Variants in SVEP1 observed in about 807,000 individuals in gnomAD.
The protein encoded by SVEP1 is sushi, von Willebrand factor type A, EGF and pentraxin domain containing 1, also known as sushi, von Willebrand factor type A, EGF and pentraxin domain-containing protein 1.
A neutral mutation model predicts 367.3 loss-of-function variants in SVEP1; 164 were observed. The observed-to-expected ratio is 0.45, with a 90% CI of 0.39 to 0.51. SVEP1 has a LOEUF of 0.51. SVEP1 is among the 20% of genes least tolerant of loss of function. The pLI, the probability that SVEP1 is intolerant of heterozygous loss-of-function variation, is 0.00. For synonymous variants in SVEP1, 1,666 were observed against 1,611.6 expected (o/e 1.03, Z -0.81); for missense variants, 4,117 against 4,425.3 (o/e 0.93, Z 1.98).
chr9:110,570,967 CTCCTTTT>C (rs1830554990), intron 1 of SVEP1, among the ~76,000 whole-genome samples: 1 of 138,004 alleles, frequency 7.2e-6, no homozygotes, highest in African/African-American at 2.7e-5. Flanking sequence ...TTCCAGATGG[CTCCTTTT>C]TTTTTTTTTT....
At position 110,408,152 on chromosome 9, in the gene SVEP1, T is replaced by C. The variant is rs1293936408; in HGVS notation, c.7448A>G (p.Asn2483Ser). Residue 2483 changes from asparagine (N) to serine (S), a missense_variant, in exon 38 of 48, where the codon AAT becomes AGT. Coordinates refer to ENST00000374469, the MANE Select transcript of SVEP1 (RefSeq NM_153366.4). Reference protein sequence around the residue: ...VGNTTTLCGENGHWLGGKPTC... With the variant: ...VGNTTTLCGESGHWLGGKPTC... The stretch of plus-strand genomic sequence containing the variant: ...TGGTTTTCCTCCAAGCCAGTGACCA[T>C]TTTCTCCACAAAGGGTGGTAGTATT... The C allele has an allele frequency of 6.2e-7, 1 of 1,613,760 alleles. No homozygotes were observed. Among genetic ancestry groups the C allele is most frequent in the African/African-American group, 1.3e-5 (1 of 74,928 alleles).
In SVEP1 at chr9:110,472,148, T is replaced by C. The variant is rs1482665600; in HGVS notation, c.2764+11A>G. ...TTATATTGCTTTTTCAAATAGACAG[T>C]TTATCCTTACCTGTGATGTTAAAAA... On this transcript the variant is annotated intron_variant, in intron 15 of 47. Transcript: ENST00000374469. 6.2e-7 allele frequency: 1 copy of C among 1,605,832 alleles called. No homozygotes were observed. The highest frequency in any genetic ancestry group is 2.2e-5 in the East Asian group (1 of 44,742).
chr9:110,377,605 T>C (rs547789362), intron 44 of SVEP1, among the ~76,000 whole-genome samples: 2 of 152,312 alleles, frequency 1.3e-5, no homozygotes, highest in African/African-American at 2.4e-5. Context: ...AAATTGTATA[T>C]ATTTTTTACA....
Position 110,400,971 on chromosome 9 carries a change from A to T in SVEP1, c.9705T>A (p.Ser3235=). 6.2e-7 allele frequency: 1 copy of T among 1,613,938 alleles called. No homozygotes were observed. Among genetic ancestry groups the T allele is most frequent in the East Asian group, 2.2e-5 (1 of 44,870 alleles). The change falls in exon 40 of 48, where the codon TCT becomes TCA. Residue 3235 remains serine, a synonymous_variant. Coordinates refer to ENST00000374469, the MANE Select transcript of SVEP1 (RefSeq NM_153366.4). The stretch of plus-strand genomic sequence containing the variant: ...GTTTCCCACAAGAAACTGGACTGCA[A>T]GATTCATCGGAGAATGGTGGCTCCC... ...GTWEPPFSDE[S]CSPVSCGKPE...
intron 14 of SVEP1, among the ~76,000 whole-genome samples, chr9:110,473,527 T>C (rs1169389940): frequency 6.6e-6 from 1 of 152,188 alleles, no homozygotes; most frequent in Non-Finnish European, 1.5e-5. Context: ...ATGTATGTAT[T>C]ATTTAGTAAT....
chr9:110,458,657 G>C, intron 19 of SVEP1, 95 bp from the exon 20 acceptor site: 1 of 1,214,336 alleles, frequency 8.2e-7, no homozygotes, highest in Non-Finnish European at 1.1e-6. Context: ...TGTCAGAGTG[G>C]GTAAAGCCAC....
Position 110,375,372 on chromosome 9 carries a change from A to G in SVEP1, c.10596T>C (p.His3532=). ...CAAACCATGAAAGAGGCCTACCTGT[A>G]TGACAGCGAGACCCCGTCCAGCCAG... ...CPPGWTGSRC[H]TAVCQSPCLN... The change falls in exon 46 of 48, where the codon CAT becomes CAC. Residue 3532 remains histidine (H), a synonymous_variant. Transcript: ENST00000374469. 1 of 1,538,050 alleles carries G rather than the reference A, an allele frequency of 6.5e-7. No homozygotes were observed. The highest frequency in any genetic ancestry group is 1.4e-5 in the African/African-American group (1 of 72,084).
In SVEP1 at chr9:110,408,607, G is replaced by A. The variant is rs1303529349; in HGVS notation, c.6993C>T (p.Asn2331=). The change falls in exon 38 of 48, where the codon AAC becomes AAT. Residue 2331 remains asparagine, a synonymous_variant. Coordinates refer to ENST00000374469, the MANE Select transcript of SVEP1 (RefSeq NM_153366.4). ...TGGTCAACTCCTTTAATACTAGCTG[G>A]TTTTCCAAGAGGGGCGGCTCTGGGC... ...AKCPEPPLLE[N]QLVLKELTTE... 5 of 1,613,942 alleles carry A rather than the reference G, an allele frequency of 3.1e-6. No homozygotes were observed. The highest frequency in any genetic ancestry group is 4.2e-6 in the Non-Finnish European group (5 of 1,179,894).
chr9:110,433,904 TAAG>T (rs1828391733), intron 30 of SVEP1, among the ~76,000 whole-genome samples: 1 of 152,286 alleles, frequency 6.6e-6, no homozygotes, highest in South Asian at 2.1e-4. Context: ...GTAAACTACA[TAAG>T]AATAGGAGCT....
intron 47 of SVEP1, among the ~76,000 whole-genome samples, chr9:110,369,010 TA>T: frequency 6.6e-6 from 1 of 152,332 alleles, no homozygotes; most frequent in Non-Finnish European, 1.5e-5. Flanking sequence ...TTTCCCACTT[TA>T]AAAAATGAAT....
intron 1 of SVEP1, among the ~76,000 whole-genome samples, chr9:110,565,972 T>A (rs1419951494): frequency 6.6e-6 from 1 of 152,028 alleles, no homozygotes; most frequent in African/African-American, 2.4e-5. Flanking sequence ...CTGGTCAAGT[T>A]ACTTACATTC....
Position 110,407,446 on chromosome 9 carries a change from G to A in SVEP1, c.8154C>T (p.Asp2718=). The A allele has an allele frequency of 6.2e-7, 1 of 1,614,022 alleles. No individual in the cohort carries two copies. The highest frequency in any genetic ancestry group is 1.1e-5 in the South Asian group (1 of 91,086). ...AGCCATTTTCAGGAGCAGTAGGCAA[G>A]TCACATTCAATTGAAATGCAGGATG... is the stretch of plus-strand genomic sequence containing the variant. ...SAPSCISIEC[D]LPTAPENGFL... The change falls in exon 38 of 48, where the codon GAC becomes GAT. Residue 2718 remains aspartate, a synonymous_variant. Coordinates refer to ENST00000374469, the MANE Select transcript of SVEP1 (RefSeq NM_153366.4).
intron 45 of SVEP1, among the ~76,000 whole-genome samples, 182 bp from the exon 46 acceptor site, chr9:110,375,645 T>C (rs2274484): frequency 0.82 from 125,246 of 152,034 alleles, 51,921 homozygotes; most frequent in African/African-American, 0.92. Context: ...ATTGGGAAAA[T>C]ACAATCAGGA....
chr9:110,529,136 T>C (rs1173200833), intron 3 of SVEP1, among the ~76,000 whole-genome samples: 2 of 152,158 alleles, frequency 1.3e-5, no homozygotes, highest in Non-Finnish European at 2.9e-5. Flanking sequence ...TAGGGTGTCC[T>C]TTCCCCAGTG....
At chr9:110,521,439 C>T (rs953336754) in intron 3 of SVEP1, among the ~76,000 whole-genome samples, 38 of 152,170 alleles carry the variant, frequency 2.5e-4, no homozygotes, top group African/African-American at 8.9e-4. Context: ...TGTAAGCACA[C>T]GCTCAGACTT....
chr9:110,529,614 T>A (rs1016033458), intron 3 of SVEP1, among the ~76,000 whole-genome samples: 67 of 152,288 alleles, frequency 4.4e-4, no homozygotes, highest in Non-Finnish European at 7.4e-4. Context: ...GTTTGTTTTT[T>A]TTTTGTTACT....
At chr9:110,496,696 C>T (rs968539533) in intron 8 of SVEP1, 119 bp downstream of exon 8, 6 of 649,780 alleles carry the variant, frequency 9.2e-6, no homozygotes, top group African/African-American at 1.8e-5. Context: ...TAGTTCTGTC[C>T]CTCTAGAGAA....
chr9:110,555,545 C>T (rs1016853567), intron 1 of SVEP1, among the ~76,000 whole-genome samples: 3 of 152,128 alleles, frequency 2.0e-5, no homozygotes, highest in Non-Finnish European at 4.4e-5. Context: ...TCTTTAACAT[C>T]CACATTAGGA....
chr9:110,371,850 C>A (rs1047065882), intron 46 of SVEP1, among the ~76,000 whole-genome samples: 3 of 152,196 alleles, frequency 2.0e-5, no homozygotes, highest in South Asian at 2.1e-4. Context: ...TCTGCTTTTA[C>A]AATCCCGCAA....
Sources: allele counts gnomAD v4.1 joint callset (sites outside exome capture counted in the v4.1 genomes callset), GRCh38; gene constraint gnomAD v4.1.1; transcripts MANE v1.5; gene names NCBI Gene and HGNC (gene_info 2026-07-23, HGNC 2026-07-21).